The following CEP170 variants were observed in gnomAD, a reference collection of about 807,000 sequenced individuals.
The protein encoded by CEP170 is centrosomal protein of 170 kDa.
Under a neutral mutation model 151.9 loss-of-function variants are expected in CEP170, and 21 were observed. That is an observed-to-expected ratio of 0.14 (90% CI 0.10 to 0.20). The LOEUF (loss-of-function observed/expected upper bound fraction) is 0.20, where lower values mean the gene tolerates loss of function less well. Ranked by LOEUF, CEP170 falls within the 10% of genes least tolerant of loss-of-function variation. CEP170 has a pLI of 1.00. For synonymous variants in CEP170, 356 were observed against 648.8 expected (o/e 0.55, Z 6.86); for missense variants, 964 against 1,892.9 (o/e 0.51, Z 9.11).
At chr1:243,226,310 A>T (rs184582193) in intron 1 of CEP170, among the ~76,000 whole-genome samples, 18 of 150,988 alleles carry the variant, frequency 1.2e-4, no homozygotes, top group Non-Finnish European at 1.5e-4. Context: ...GATAACATTA[A>T]CCCAATTTCA....
intron 1 of CEP170, among the ~76,000 whole-genome samples, chr1:243,246,447 G>C (rs895862200): frequency 1.3e-5 from 2 of 152,046 alleles, no homozygotes; most frequent in African/African-American, 4.8e-5. Context: ...GGCCAGGCTG[G>C]TCTTGAACTC....
At chr1:243,131,598 T>A (rs1166620035) in intron 17 of CEP170, among the ~76,000 whole-genome samples, 2 of 151,978 alleles carry the variant, frequency 1.3e-5, no homozygotes, top group East Asian at 1.9e-4. Context: ...AACTTTACTA[T>A]AATATTTACT....
chr1:243,198,502 T>C (rs1414095936), intron 7 of CEP170, among the ~76,000 whole-genome samples: 2 of 152,056 alleles, frequency 1.3e-5, no homozygotes, highest in South Asian at 4.1e-4. Flanking sequence ...AAGTGGGAAA[T>C]GTTCATTTAA....
At chr1:243,209,141 C>G (rs1387507143) in intron 4 of CEP170, among the ~76,000 whole-genome samples, 12 of 152,306 alleles carry the variant, frequency 7.9e-5, no homozygotes, top group Admixed American at 1.3e-4. Flanking sequence ...AGTCTTGATC[C>G]ATGTTAAATT....
chr1:243,221,197 T>G (rs1371846106), intron 3 of CEP170, among the ~76,000 whole-genome samples: 4 of 152,098 alleles, frequency 2.6e-5, no homozygotes, highest in Non-Finnish European at 5.9e-5. Flanking sequence ...GCTAATTTTT[T>G]GCATGTTTAG....
chr1:243,144,560 A>T (rs998503679), intron 14 of CEP170, among the ~76,000 whole-genome samples: 1 of 152,220 alleles, frequency 6.6e-6, no homozygotes, highest in Non-Finnish European at 1.5e-5. Context: ...AATGAGATAA[A>T]ATACAGATAA....
At chr1:243,234,549 T>C (rs574031103) in intron 1 of CEP170, among the ~76,000 whole-genome samples, 35 of 152,298 alleles carry the variant, frequency 2.3e-4, no homozygotes, top group African/African-American at 7.2e-4. Context: ...CACTAAGGCA[T>C]TGCATCAACT....
chr1:243,124,961 T>C lies in CEP170; in HGVS notation c.*1488A>G, dbSNP rs2053592622. ...TCTCTATAAAGTTTTTTTGCATCTT[T>C]ATTAATTGATCCAACAATACAGGAT... On this transcript the variant is annotated 3_prime_UTR_variant, in exon 20 of 20. Transcript: ENST00000366542. 6.6e-6 allele frequency: 1 copy of C among 152,362 alleles called. No homozygotes were observed. The highest frequency in any genetic ancestry group is 1.5e-5 in the Non-Finnish European group (1 of 68,008). 9.4% of individuals were successfully genotyped at this position (152,362 alleles called of 1,614,324 possible). A position where few individuals can be genotyped will look rare whatever the true frequency, so the allele number is the denominator to read the frequency against.
In CEP170 at chr1:243,126,450, C is replaced by G. The variant is rs755937398; in HGVS notation, c.4754G>C (p.Ter1585SerextTer6). ...GEEEDVTVQE[*>S] ...GATTTTTCAACAATCAAGAGAAAGT[C>G]ATTCTTGTACTGTAACATCTTCCTC... The change falls in exon 20 of 20, where the codon TGA (stop) becomes TCA (serine). Residue 1585 changes from the stop codon to serine (S), a stop_lost. Coordinates refer to ENST00000366542, the MANE Select transcript of CEP170 (RefSeq NM_014812.3). 1.2e-6 allele frequency: 2 copies of G among 1,603,386 alleles called. No homozygotes were observed. The highest frequency in any genetic ancestry group is 2.2e-5 in the South Asian group (2 of 89,392).
chr1:243,194,059 A>G (rs1181509080), intron 7 of CEP170, among the ~76,000 whole-genome samples: 1 of 151,996 alleles, frequency 6.6e-6, no homozygotes, highest in Non-Finnish European at 1.5e-5. Flanking sequence ...GAATATTCAT[A>G]AACATTACTA....
At chr1:243,173,993 A>G (rs2059054673) in intron 10 of CEP170, among the ~76,000 whole-genome samples, 1 of 152,240 alleles carries the variant, frequency 6.6e-6, no homozygotes, top group Non-Finnish European at 1.5e-5. Context: ...CATAGTAGAT[A>G]GCATAATTCT....
At chr1:243,179,438 A>G (rs536415217) in intron 10 of CEP170, among the ~76,000 whole-genome samples, 6 of 152,318 alleles carry the variant, frequency 3.9e-5, no homozygotes, top group African/African-American at 1.4e-4. Context: ...CAAAATTTAT[A>G]CATTTCTTCT....
chr1:243,211,706 T>C (rs1024780666), intron 4 of CEP170, 180 bp downstream of exon 4: 4 of 675,388 alleles, frequency 5.9e-6, no homozygotes, highest in South Asian at 4.9e-5. Flanking sequence ...TTTTCCATGA[T>C]TACTTTTAGG....
intron 13 of CEP170, among the ~76,000 whole-genome samples, chr1:243,157,045 A>C (rs2148471836): frequency 6.6e-6 from 1 of 152,368 alleles, no homozygotes; most frequent in South Asian, 2.1e-4. Context: ...GGTTGGAAAA[A>C]ATCTTTTTAC....
intron 1 of CEP170, among the ~76,000 whole-genome samples, chr1:243,227,005 G>A (rs1161171370): frequency 6.6e-6 from 1 of 152,106 alleles, no homozygotes; most frequent in African/African-American, 2.4e-5. Flanking sequence ...AACAAAAAAA[G>A]AAAATCCATC....
intron 8 of CEP170, among the ~76,000 whole-genome samples, chr1:243,189,458 A>G (rs1416866920): frequency 6.6e-6 from 1 of 150,918 alleles, no homozygotes; most frequent in Non-Finnish European, 1.5e-5. Context: ...CGGGAGGCTG[A>G]GGCAGGAGAA....
chr1:243,244,603 G>C (rs1242267607), intron 1 of CEP170, among the ~76,000 whole-genome samples: 1 of 151,904 alleles, frequency 6.6e-6, no homozygotes, highest in African/African-American at 2.4e-5. Flanking sequence ...AAATTAACTG[G>C]GCCTGGTGGC....
chr1:243,191,182 C>G lies in CEP170; in HGVS notation c.944G>C (p.Gly315Ala). Reference protein sequence around the residue: ...QRHKSKKSSPGTQDLLGIQTG... With the variant: ...QRHKSKKSSPATQDLLGIQTG... ...TTGAATCCCCAGCAAGTCTTGAGTT[C>G]CAGGAGAAGACTTCTTGGACTTGTG... The change falls in exon 8 of 20, where the codon GGA becomes GCA. Residue 315 changes from glycine to alanine, a missense_variant. Gly to Ala is a moderately conservative substitution (Grantham distance 60). Coordinates refer to ENST00000366542, the MANE Select transcript of CEP170 (RefSeq NM_014812.3). The G allele has an allele frequency of 6.2e-7, 1 of 1,611,996 alleles. No homozygotes were observed. The highest frequency in any genetic ancestry group is 8.5e-7 in the Non-Finnish European group (1 of 1,179,010).
intron 1 of CEP170, among the ~76,000 whole-genome samples, chr1:243,228,429 G>A (rs962814284): frequency 1.3e-5 from 2 of 152,030 alleles, no homozygotes; most frequent in African/African-American, 2.4e-5. Flanking sequence ...TTGTCAATTT[G>A]GTTTTTAGCA....
Sources: gnomAD v4.1 joint callset for allele counts (sites outside exome capture counted in the v4.1 genomes callset) on GRCh38, gnomAD v4.1.1 for gene constraint, MANE v1.5 for transcripts, NCBI Gene and HGNC (gene_info 2026-07-23, HGNC 2026-07-21) for gene names.